Variants in KSR1 observed in about 807,000 individuals in gnomAD.
The protein encoded by KSR1 is kinase suppressor of ras.
KSR1 carries 35 observed loss-of-function variants against 92.9 expected under a neutral mutation model. The ratio of observed to expected loss-of-function variants is 0.38; its 90% CI spans 0.29 to 0.50. The LOEUF is 0.50. Ranked by LOEUF, KSR1 falls within the 20% of genes least tolerant of loss-of-function variation. KSR1 has a pLI of 0.94. For missense variants in KSR1, 972 were observed against 1,158.5 expected (o/e 0.84, Z 2.34); for synonymous variants, 467 against 472.6 (o/e 0.99, Z 0.15).
At chr17:27,558,712 T>G (rs562680789) in intron 2 of KSR1, among the ~76,000 whole-genome samples, 2 of 151,996 alleles carry the variant, frequency 1.3e-5, no homozygotes, top group Non-Finnish European at 2.9e-5. Context: ...TGTTTTTTTT[T>G]TTTTTCTTTG....
intron 1 of KSR1, among the ~76,000 whole-genome samples, chr17:27,536,377 A>C (rs1226426687): frequency 6.6e-6 from 1 of 152,224 alleles, no homozygotes; most frequent in Non-Finnish European, 1.5e-5. Context: ...TAAAAACACT[A>C]ATAAAACAGC....
rs111543498 is a variant in KSR1 at position 27,607,737 on chromosome 17, G to A, written c.1995-177G>A. On this transcript the variant is annotated intron_variant, in intron 14 of 20. Transcript: ENST00000644974. ...TGTGTGGTGTCATGTGTTTCTGCAC[G>A]TTCAGGCCAGGCCCCAGCAGGACTG... 4.5e-3 allele frequency among the ~76,000 whole-genome samples: 684 copies of A among 152,292 alleles called. 6 individuals are homozygous for A. Among genetic ancestry groups the A allele is most frequent in the African/African-American group, 0.015 (619 of 41,548 alleles).
intron 9 of KSR1, among the ~76,000 whole-genome samples, chr17:27,594,349 T>A (rs1444337661): frequency 1.3e-5 from 2 of 151,990 alleles, no homozygotes; most frequent in Non-Finnish European, 2.9e-5. Context: ...CTGCCCCCAT[T>A]GCCAACAATG....
chr17:27,568,787 A>C (rs1007618379), intron 2 of KSR1, among the ~76,000 whole-genome samples: 25 of 152,318 alleles, frequency 1.6e-4, no homozygotes, highest in Admixed American at 5.2e-4. Context: ...CCTTCCGTAG[A>C]GGAATAGTGT....
At chr17:27,574,020 C>G (rs1328164750) in intron 2 of KSR1, among the ~76,000 whole-genome samples, 2 of 152,164 alleles carry the variant, frequency 1.3e-5, no homozygotes, top group African/African-American at 4.8e-5. Context: ...GCCTGGCTCC[C>G]TCCCCAGCCC....
intron 2 of KSR1, among the ~76,000 whole-genome samples, chr17:27,567,947 C>T (rs1299320000): frequency 2.0e-5 from 3 of 152,218 alleles, no homozygotes; most frequent in Non-Finnish European, 4.4e-5. Context: ...GAAGGGGTTT[C>T]TTCCCATCCC....
intron 1 of KSR1, among the ~76,000 whole-genome samples, chr17:27,498,291 T>C (rs2069059585): frequency 1.4e-5 from 2 of 147,806 alleles, no homozygotes; most frequent in South Asian, 2.2e-4. Context: ...TGAGCCGAGA[T>C]TGCACCACTG....
intron 1 of KSR1, among the ~76,000 whole-genome samples, chr17:27,492,452 G>A (rs1036237987): frequency 1.3e-5 from 2 of 152,156 alleles, no homozygotes; most frequent in African/African-American, 4.8e-5. Flanking sequence ...GATCTTCCTC[G>A]AGAGTCAATA....
chr17:27,571,362 T>C (rs1424230202), intron 2 of KSR1, among the ~76,000 whole-genome samples: 3 of 152,216 alleles, frequency 2.0e-5, no homozygotes, highest in African/African-American at 7.2e-5. Flanking sequence ...TGAGCCCCAA[T>C]GGTGGGTGCA....
In KSR1 at chr17:27,508,865, G is replaced by A. The variant is rs1451936366; in HGVS notation, c.232-41703G>A. Among the ~76,000 whole-genome samples, 3 of 152,022 alleles carry A rather than the reference G, an allele frequency of 2.0e-5. No individual in the cohort carries two copies. In the East Asian group the frequency reaches 5.8e-4, roughly 29 times the overall value. On this transcript the variant is annotated intron_variant, in intron 1 of 20. Coordinates refer to ENST00000644974, the MANE Select transcript of KSR1 (RefSeq NM_001394583.1). ...CTGCCTCAGCCACCCAAGTAGCTGG[G>A]ATTACAGATGCCTGCCACCATGCCT...
intron 10 of KSR1, among the ~76,000 whole-genome samples, chr17:27,600,947 T>A (rs191267821): frequency 6.6e-6 from 1 of 151,442 alleles, no homozygotes; most frequent in East Asian, 1.9e-4. Context: ...GGGTAGGGAG[T>A]GGTAAGGTTG....
At chr17:27,557,323 C>T (rs2071637988) in intron 2 of KSR1, among the ~76,000 whole-genome samples, 2 of 152,202 alleles carry the variant, frequency 1.3e-5, no homozygotes, top group African/African-American at 2.4e-5. Flanking sequence ...AAAGACACCA[C>T]CAGCATCAGG....
chr17:27,502,257 G>A (rs1029159241), intron 1 of KSR1, among the ~76,000 whole-genome samples: 12 of 152,170 alleles, frequency 7.9e-5, no homozygotes, highest in African/African-American at 1.2e-4. Context: ...AGAAGCATCC[G>A]GTGTAGCCTC....
chr17:27,509,557 A>G (rs547423224), intron 1 of KSR1, among the ~76,000 whole-genome samples: 8 of 149,416 alleles, frequency 5.4e-5, no homozygotes, highest in Admixed American at 6.7e-5. Flanking sequence ...CCAAAGTGCT[A>G]GGATTACAGG....
At chr17:27,562,368 C>A (rs898623469) in intron 2 of KSR1, among the ~76,000 whole-genome samples, 8 of 152,358 alleles carry the variant, frequency 5.3e-5, no homozygotes, top group South Asian at 2.1e-4. Flanking sequence ...GGAGCTCTCA[C>A]CTGGGCCAGT....
chr17:27,466,457 G>A (rs989009207), intron 1 of KSR1, among the ~76,000 whole-genome samples: 1 of 152,164 alleles, frequency 6.6e-6, no homozygotes, highest in African/African-American at 2.4e-5. Flanking sequence ...CCGCCTGCCT[G>A]CCTGCCTGCC....
Position 27,456,787 on chromosome 17 carries a change from C to G in KSR1, c.144C>G (p.Ile48Met), listed in dbSNP as rs2019185474. The G allele has an allele frequency of 1.3e-6, 2 of 1,571,074 alleles. No individual in the cohort carries two copies. The highest frequency in any genetic ancestry group is 1.7e-6 in the Non-Finnish European group (2 of 1,156,844). ...LQQCGQLQKL[I>M]DISIGSLRGL... ...AGTGCGGGCAGCTCCAGAAGCTCATCGACATCTCCATCGGCAGCCTGCGCG... is the reference window on the plus strand; with the variant it reads ...AGTGCGGGCAGCTCCAGAAGCTCATGGACATCTCCATCGGCAGCCTGCGCG... The change falls in exon 1 of 21, where the codon ATC (isoleucine) becomes ATG (methionine). Residue 48 changes from isoleucine (I) to methionine (M), a missense_variant. This residue lies in a region of KSR1 where 19 missense variants were observed against 60.3 expected (regional missense o/e 0.32). Transcript: ENST00000644974.
intron 1 of KSR1, among the ~76,000 whole-genome samples, chr17:27,541,169 G>A (rs2070949060): frequency 6.6e-6 from 1 of 152,230 alleles, no homozygotes; most frequent in Non-Finnish European, 1.5e-5. Flanking sequence ...GTCTGGTGCT[G>A]CCTACTGAGG....
intron 1 of KSR1, among the ~76,000 whole-genome samples, chr17:27,476,151 G>GC (rs2068336044): frequency 6.6e-6 from 1 of 152,218 alleles, no homozygotes. Flanking sequence ...CACGGCTCCT[G>GC]CCCCGGGGGG....
Sources: gnomAD v4.1 joint callset for allele counts (sites outside exome capture counted in the v4.1 genomes callset) on GRCh38, gnomAD v4.1.1 for gene constraint, gnomAD v4.1.1 regional missense constraint, MANE v1.5 for transcripts, NCBI Gene and HGNC (gene_info 2026-07-23, HGNC 2026-07-21) for gene names.